RBAK: variants seen among roughly 807,000 people sequenced by gnomAD.
RBAK encodes the protein RB associated KRAB zinc finger.
Under a neutral mutation model 65.8 loss-of-function variants are expected in RBAK, and 39 were observed. The ratio of observed to expected loss-of-function variants is 0.59; its 90% CI spans 0.46 to 0.77. RBAK has a LOEUF of 0.77. Among genes scored for constraint, RBAK ranks in the 30% least tolerant of loss-of-function variants. RBAK has a pLI of 0.00. For missense variants in RBAK, 884 were observed against 855.1 expected, an observed-to-expected ratio of 1.03 and a Z score of -0.42; for synonymous variants, 343 against 289.7, an observed-to-expected ratio of 1.18 and a Z score of -1.87.
chr7:5,064,575 T>C lies in RBAK; in HGVS notation c.1119T>C (p.Tyr373=). 3.7e-6 allele frequency: 6 copies of C among 1,614,080 alleles called. No individual in the cohort carries two copies. The highest frequency in any genetic ancestry group is 5.1e-6 in the Non-Finnish European group (6 of 1,179,972). Residue 373 remains tyrosine (Y), a synonymous_variant, in exon 5 of 5, where the codon TAT becomes TAC. Transcript: ENST00000396912. The surrounding 1 kb of genome is among the most constrained non-coding windows in gnomAD (Gnocchi z 6.3). ...GGAATCATTCAGGAGAGAGGCCCTA[T>C]CCATGTAACGAATGTGGGAAATCCT... The part of the protein sequence containing the change: ...HQRNHSGERP[Y]PCNECGKSFS...
chr7:5,053,860 C>T lies in RBAK; in HGVS notation c.16-3435C>T, dbSNP rs555075487. Among the ~76,000 whole-genome samples, 4 of 152,164 alleles carry T rather than the reference C, an allele frequency of 2.6e-5. No homozygotes were observed. In the South Asian group the frequency reaches 8.3e-4, roughly 32 times the overall value. ...AACATGTGGAATAGAATGATGAACT[C>T]TCTCAGTGCTCTGTGTGGGTTGTAA... On this transcript the variant is annotated intron_variant, in intron 2 of 4. Transcript: ENST00000396912.
At position 5,064,126 on chromosome 7, in the gene RBAK, A is replaced by G; in HGVS notation, c.670A>G (p.Lys224Glu). The G allele has an allele frequency of 6.2e-7, 1 of 1,613,996 alleles. No homozygotes were observed. The highest frequency in any genetic ancestry group is 1.1e-5 in the South Asian group (1 of 91,082). ...LDNEAVFIAH[K>E]RAYIGEKPYE... ...CAATGAGGCTGTTTTTATTGCTCAT[A>G]AGAGAGCTTACATAGGGGAGAAGCC... Residue 224 changes from lysine to glutamate, a missense_variant, in exon 5 of 5, where the codon AAG becomes GAG. Physicochemically the swap from Lys to Glu is moderately conservative, Grantham distance 56. Transcript: ENST00000396912. The surrounding 1 kb of genome is among the most constrained non-coding windows in gnomAD (Gnocchi z 6.3).
intron 2 of RBAK, among the ~76,000 whole-genome samples, chr7:5,051,674 A>T (rs1215146408): frequency 6.6e-6 from 1 of 152,186 alleles, no homozygotes; most frequent in East Asian, 1.9e-4. Context: ...TGCCATTATA[A>T]TATTTGCAGA....
In RBAK at chr7:5,067,742, A is replaced by C. The variant is rs577355694; in HGVS notation, c.*2141A>C. On this transcript the variant is annotated 3_prime_UTR_variant, in exon 5 of 5. Coordinates refer to ENST00000396912, the MANE Select transcript of RBAK (RefSeq NM_021163.4). ...TGGCACAAGGATGAAAAAACTGACT[A>C]GTGGAACAGCATACAGATTCAAAAG... 2 of 152,348 alleles carry C rather than the reference A, an allele frequency of 1.3e-5. No individual in the cohort carries two copies. Among genetic ancestry groups the C allele is most frequent in the South Asian group, 4.1e-4 (2 of 4,828 alleles). 9.4% of individuals were successfully genotyped at this position (152,348 alleles called of 1,614,324 possible). A position where few individuals can be genotyped will look rare whatever the true frequency, so the allele number is the denominator to read the frequency against.
chr7:5,057,794 T>C lies in RBAK; in HGVS notation c.238+15T>C. ...ACATAGTCCAGGTAAGTTAGTAGCG[T>C]ATCAAAGGTTAAAAAATGCTCATCC... On this transcript the variant is annotated intron_variant, in intron 4 of 4. Coordinates refer to ENST00000396912, the MANE Select transcript of RBAK (RefSeq NM_021163.4). 1 of 1,613,746 alleles carries C rather than the reference T, an allele frequency of 6.2e-7. No homozygotes were observed. Among genetic ancestry groups the C allele is most frequent in the Non-Finnish European group, 8.5e-7 (1 of 1,179,716 alleles).
Position 5,064,363 on chromosome 7 carries a change from A to G in RBAK, c.907A>G (p.Thr303Ala). The G allele has an allele frequency of 1.2e-6, 2 of 1,613,830 alleles. No individual in the cohort carries two copies. The highest frequency in any genetic ancestry group is 1.7e-6 in the Non-Finnish European group (2 of 1,179,912). ...TGGGAAATCCTTCAGCCAAAAGGGA[A>G]CCCTCACTGTACATCGGAGATCACA... ...VCGKSFSQKGTLTVHRRSHLE... is the reference protein window; with the variant it reads ...VCGKSFSQKGALTVHRRSHLE... Residue 303 changes from threonine (T) to alanine (A), a missense_variant, in exon 5 of 5, where the codon ACC becomes GCC. Physicochemically the swap from Thr to Ala is moderately conservative, Grantham distance 58 (BLOSUM62 0). Coordinates refer to ENST00000396912, the MANE Select transcript of RBAK (RefSeq NM_021163.4). The surrounding 1 kb of genome is among the most constrained non-coding windows in gnomAD (Gnocchi z 6.3).
intron 2 of RBAK, 183 bp from the exon 3 acceptor site, chr7:5,057,094 ATTTATATATATTATATAT>A (rs942940877): frequency 9.8e-6 from 2 of 204,106 alleles, no homozygotes; most frequent in African/African-American, 4.8e-5. Flanking sequence ...TATTATATAT[ATTTATATATATTATATAT>A]TTTATATATT....
At chr7:5,063,134 T>C (rs531710598) in intron 4 of RBAK, among the ~76,000 whole-genome samples, 135 of 152,338 alleles carry the variant, frequency 8.9e-4, no homozygotes, top group African/African-American at 3.1e-3. Context: ...TCACAATTTA[T>C]GTTCAGAGAT....
chr7:5,050,810 G>A (rs1029248063), intron 2 of RBAK, among the ~76,000 whole-genome samples: 1 of 152,188 alleles, frequency 6.6e-6, no homozygotes, highest in Non-Finnish European at 1.5e-5. Flanking sequence ...CTGGGCTCAA[G>A]TGATCCTCTT....
chr7:5,058,967 A>G (rs775885960), intron 4 of RBAK, among the ~76,000 whole-genome samples: 26 of 152,250 alleles, frequency 1.7e-4, no homozygotes, highest in African/African-American at 5.5e-4. Flanking sequence ...ACTTGACAAC[A>G]TAGCAGTTAC....
intron 4 of RBAK, among the ~76,000 whole-genome samples, chr7:5,062,359 C>A (rs150059443): frequency 6.6e-6 from 1 of 152,122 alleles, no homozygotes; most frequent in Non-Finnish European, 1.5e-5. Context: ...CATCACATGT[C>A]GGTAGGTTCT....
intron 2 of RBAK, among the ~76,000 whole-genome samples, chr7:5,055,277 T>TGTGC (rs1357042870): frequency 7.2e-6 from 1 of 139,758 alleles, no homozygotes; most frequent in Non-Finnish European, 1.6e-5. Context: ...TGTGTGTGTG[T>TGTGC]GTGCGTGCGT....
At position 5,057,288 on chromosome 7, in the gene RBAK, A is replaced by C; in HGVS notation, c.16-7A>C. 1.9e-6 allele frequency: 3 copies of C among 1,613,952 alleles called. No individual in the cohort carries two copies. The highest frequency in any genetic ancestry group is 2.5e-6 in the Non-Finnish European group (3 of 1,179,998). ...ATCTCCCAATTCTGATCATGTTGCC[A>C]TTACAGGGGCCAGTGTCATTCAAAG... On this transcript the variant is annotated splice_region_variant and splice_polypyrimidine_tract_variant and intron_variant, in intron 2 of 4. Transcript: ENST00000396912.
rs773320381 is a variant in RBAK, at chr7:5,064,782, A to G, written c.1326A>G (p.Ser442=). Residue 442 remains serine, a synonymous_variant, in exon 5 of 5, where the codon TCA becomes TCG. Transcript: ENST00000396912. The surrounding 1 kb of genome is among the most constrained non-coding windows in gnomAD (Gnocchi z 6.3). Reference sequence around the variant, plus strand: ...GTGGGAAATTCTTTTCTCGGGTGTCATACCTCACTATACATTATAGAAGTC... The same window carrying G: ...GTGGGAAATTCTTTTCTCGGGTGTCGTACCTCACTATACATTATAGAAGTC... The part of the protein sequence containing the change: ...SECGKFFSRV[S]YLTIHYRSHL... 3.7e-6 allele frequency: 6 copies of G among 1,614,002 alleles called. No homozygotes were observed. In the Admixed American group the frequency reaches 6.7e-5, roughly 18 times the overall value.
chr7:5,049,710 T>C (rs1415430607), intron 2 of RBAK, among the ~76,000 whole-genome samples: 1 of 152,074 alleles, frequency 6.6e-6, no homozygotes, highest in African/African-American at 2.4e-5. Flanking sequence ...CTGTTTTGTT[T>C]TGTTTTGTTC....
At chr7:5,052,366 A>T (rs778022115) in intron 2 of RBAK, among the ~76,000 whole-genome samples, 7 of 152,116 alleles carry the variant, frequency 4.6e-5, no homozygotes, top group Non-Finnish European at 5.9e-5. Context: ...TATTGATAAA[A>T]CTAGTTAGGT....
chr7:5,058,760 T>G (rs1481775361), intron 4 of RBAK, among the ~76,000 whole-genome samples: 3 of 152,252 alleles, frequency 2.0e-5, no homozygotes, highest in Non-Finnish European at 2.9e-5. Context: ...ATTTCATAAG[T>G]GAATGTCGGT....
Position 5,064,626 on chromosome 7 carries a change from C to T in RBAK, c.1170C>T (p.Asp390=). The part of the protein sequence containing the change: ...KSFSRKSALS[D]HQRTHTGEKL... The stretch of plus-strand genomic sequence containing the variant: ...TCTCCCGCAAGTCTGCTCTCAGTGA[C>T]CATCAGAGAACTCACACGGGAGAGA... The change falls in exon 5 of 5, where the codon GAC becomes GAT. Residue 390 remains aspartate, a synonymous_variant. Coordinates refer to ENST00000396912, the MANE Select transcript of RBAK (RefSeq NM_021163.4). This position sits in a 1 kb window ranked among gnomAD's most constrained non-coding sequence, Gnocchi z 6.3. The T allele has an allele frequency of 6.2e-7, 1 of 1,613,574 alleles. No individual in the cohort carries two copies. The highest frequency in any genetic ancestry group is 8.5e-7 in the Non-Finnish European group (1 of 1,179,700).
chr7:5,066,459 A>G lies in RBAK; in HGVS notation c.*858A>G, dbSNP rs1416245392. 6.6e-6 allele frequency: 1 copy of G among 152,160 alleles called. No individual in the cohort carries two copies. The highest frequency in any genetic ancestry group is 1.9e-4 in the East Asian group (1 of 5,206). The allele number at this position is 152,160 out of a possible 1,614,324, so 9.4% of individuals were successfully genotyped here. A position where few individuals can be genotyped will look rare whatever the true frequency, so the allele number is the denominator to read the frequency against. The stretch of plus-strand genomic sequence containing the variant: ...GTTTAAGTCTATTTCAGTGAAAGAG[A>G]ACAAGCATACTGCCCATACTCTAAA... On this transcript the variant is annotated 3_prime_UTR_variant, in exon 5 of 5. Transcript: ENST00000396912.
Sources: allele counts gnomAD v4.1 joint callset (sites outside exome capture counted in the v4.1 genomes callset), GRCh38; gene constraint gnomAD v4.1.1; non-coding constraint Gnocchi (gnomAD v3.1); transcripts MANE v1.5; gene names NCBI Gene and HGNC (gene_info 2026-07-23, HGNC 2026-07-21).